ZZEF1: variants seen among roughly 807,000 people sequenced by gnomAD.
The protein encoded by ZZEF1 is zinc finger ZZ-type and EF-hand domain-containing protein 1.
In ZZEF1, 157 loss-of-function variants were observed where a neutral mutation model predicts 342.8. The observed-to-expected ratio is 0.46, with a 90% CI of 0.40 to 0.52. The LOEUF is 0.52. ZZEF1 is among the 20% of genes least tolerant of loss of function. The probability of loss-of-function intolerance (pLI) is 0.00; values close to 1 mark genes in which losing one functional copy is unlikely to be tolerated. For synonymous variants in ZZEF1, 1,505 were observed against 1,429.1 expected, an observed-to-expected ratio of 1.05 and a Z score of -1.20; for missense variants, 3,480 against 3,725.6, an observed-to-expected ratio of 0.93 and a Z score of 1.72.
intron 9 of ZZEF1, among the ~76,000 whole-genome samples, chr17:4,097,282 G>GA (rs2058053137): frequency 1.3e-5 from 2 of 151,202 alleles, no homozygotes; most frequent in African/African-American, 4.8e-5. Context: ...AAAAGAAAAA[G>GA]AAAAGAAATG....
intron 3 of ZZEF1, among the ~76,000 whole-genome samples, chr17:4,115,012 C>A (rs576550421): frequency 1.1e-4 from 17 of 152,062 alleles, no homozygotes; most frequent in Middle Eastern, 3.4e-3. Context: ...TTTACTATAA[C>A]CCACGTGCTT....
intron 15 of ZZEF1, 137 bp downstream of exon 15, chr17:4,086,337 CCCACAGCGGCAA>C: frequency 1.9e-6 from 1 of 535,232 alleles, no homozygotes; most frequent in South Asian, 2.5e-5. Flanking sequence ...CTGGGGGATT[CCCACAGCGGCAA>C]TCCCTTTCTG....
At chr17:4,113,300 T>C (rs2058343487) in intron 4 of ZZEF1, among the ~76,000 whole-genome samples, 2 of 152,218 alleles carry the variant, frequency 1.3e-5, no homozygotes, top group African/African-American at 4.8e-5. Flanking sequence ...GAAATACCAC[T>C]GTTTATTATC....
At chr17:4,048,402 T>C (rs1349461746) in intron 37 of ZZEF1, among the ~76,000 whole-genome samples, 2 of 152,282 alleles carry the variant, frequency 1.3e-5, no homozygotes, top group Non-Finnish European at 1.5e-5. Context: ...GATGGGGGAA[T>C]CCTTGAACTA....
chr17:4,042,973 C>T (rs2056834282), intron 38 of ZZEF1, among the ~76,000 whole-genome samples: 1 of 152,184 alleles, frequency 6.6e-6, no homozygotes, highest in Non-Finnish European at 1.5e-5. Context: ...TGAGCCACTG[C>T]TCCCGGCCTA....
intron 2 of ZZEF1, among the ~76,000 whole-genome samples, chr17:4,122,789 A>G (rs190503675): frequency 1.4e-3 from 211 of 152,354 alleles, no homozygotes; most frequent in Admixed American, 2.7e-3. Flanking sequence ...AAAGACGCCA[A>G]AATAGGTGAG....
chr17:4,014,229 A>C lies in ZZEF1; in HGVS notation c.8315-41T>G. Reference sequence around the variant, plus strand: ...TCAGAGGCCCATCAGGAACTGAAGCAACAGGGAATGGCAGCAGTGGTGTTG... The same window carrying C: ...TCAGAGGCCCATCAGGAACTGAAGCCACAGGGAATGGCAGCAGTGGTGTTG... On this transcript the variant is annotated intron_variant, in intron 50 of 54. Coordinates refer to ENST00000381638, the MANE Select transcript of ZZEF1 (RefSeq NM_015113.4). This position sits in a 1 kb window ranked among gnomAD's most constrained non-coding sequence, Gnocchi z 4.4. 1 of 1,612,332 alleles carries C rather than the reference A, an allele frequency of 6.2e-7. No individual in the cohort carries two copies. Among genetic ancestry groups the C allele is most frequent in the East Asian group, 2.2e-5 (1 of 44,878 alleles).
intron 52 of ZZEF1, among the ~76,000 whole-genome samples, chr17:4,012,108 C>T (rs1343242103): frequency 2.6e-5 from 4 of 152,218 alleles, no homozygotes; most frequent in Non-Finnish European, 5.9e-5. Context: ...CGGCACAGGT[C>T]TTCTTTCCTG....
intron 37 of ZZEF1, 93 bp from the exon 38 acceptor site, chr17:4,044,467 T>A: frequency 1.6e-6 from 2 of 1,238,066 alleles, no homozygotes; most frequent in Non-Finnish European, 2.2e-6. Context: ...CCAGTCTTCA[T>A]AGACTAAAAA....
intron 8 of ZZEF1, among the ~76,000 whole-genome samples, chr17:4,103,141 G>A (rs574323346): frequency 2.4e-4 from 36 of 152,102 alleles, no homozygotes; most frequent in Non-Finnish European, 4.6e-4. Context: ...GTTGACCAGT[G>A]CAACCCCCAA....
At chr17:4,010,542 A>C (rs1471088756) in intron 52 of ZZEF1, among the ~76,000 whole-genome samples, 1 of 151,734 alleles carries the variant, frequency 6.6e-6, no homozygotes, top group Non-Finnish European at 1.5e-5. Context: ...TGGCCAACAC[A>C]GTGAAACCCC....
Position 4,065,179 on chromosome 17 carries a change from G to A in ZZEF1, c.4250-350C>T, listed in dbSNP as rs537646471. On this transcript the variant is annotated intron_variant, in intron 28 of 54. Coordinates refer to ENST00000381638, the MANE Select transcript of ZZEF1 (RefSeq NM_015113.4). ...AGCACTTTGGGAGGCCAAGGCAGGA[G>A]GATCACTTGGGGTGATACCTCAGCT... Among the ~76,000 whole-genome samples the A allele has an allele frequency of 2.0e-3, 309 of 152,230 alleles. 1 individual carries two copies. The highest frequency in any genetic ancestry group is 7.0e-3 in the African/African-American group (292 of 41,538).
intron 37 of ZZEF1, among the ~76,000 whole-genome samples, chr17:4,048,873 A>ATTTTTTTTTTTTTTTTTT (rs71144157): frequency 9.0e-5 from 12 of 133,750 alleles, no homozygotes; most frequent in Non-Finnish European, 1.4e-4. Context: ...AGCCTGGATA[A>ATTTTTTTTTTTTTTTTTT]TTTTTTTTTT....
At chr17:4,012,098 C>T (rs866377209) in intron 52 of ZZEF1, among the ~76,000 whole-genome samples, 14 of 152,210 alleles carry the variant, frequency 9.2e-5, no homozygotes, top group African/African-American at 1.7e-4. Flanking sequence ...GTGCAGGCTG[C>T]GGCACAGGTC....
intron 8 of ZZEF1, 75 bp from the exon 9 acceptor site, chr17:4,102,490 AAT>A: frequency 2.3e-6 from 3 of 1,299,932 alleles, no homozygotes; most frequent in Non-Finnish European, 3.3e-6. Flanking sequence ...TATCTGTGGA[AAT>A]AGAGTCCTGT....
intron 52 of ZZEF1, among the ~76,000 whole-genome samples, chr17:4,012,022 C>T (rs534526179): frequency 1.8e-4 from 27 of 152,334 alleles, no homozygotes; most frequent in East Asian, 1.4e-3. Flanking sequence ...GAGTTCCCTC[C>T]GGGCTCGGGA....
Position 4,034,163 on chromosome 17 carries a change from G to A in ZZEF1, c.6436C>T (p.Arg2146Cys), listed in dbSNP as rs1307507386. The change falls in exon 40 of 55, where the codon CGT (arginine) becomes TGT (cysteine). Residue 2146 changes from arginine (R) to cysteine (C), a missense_variant. Arg to Cys is a radical substitution (Grantham distance 180). Coordinates refer to ENST00000381638, the MANE Select transcript of ZZEF1 (RefSeq NM_015113.4). The part of the protein sequence containing the change: ...TLGLLGQLII[R>C]LLPAEVDAAV... ...GCGTCTACCTCTGCTGGCAAAAGAC[G>A]GATAATTAACTGGCCGAGAAGACCC... 14 of 1,614,022 alleles carry A rather than the reference G, an allele frequency of 8.7e-6. No homozygotes were observed. Among genetic ancestry groups the A allele is most frequent in the East Asian group, 4.5e-5 (2 of 44,896 alleles).
chr17:4,067,234 C>T lies in ZZEF1; in HGVS notation c.4084G>A (p.Gly1362Arg). ...TCTTCACTCAGGGCTATTTTGCCCC[C>T]ACTGTTGACTGGGGAGAGAAGCAGA... The part of the protein sequence containing the change: ...YEKLQKYVNS[G>R]GKIALSEEFA... Residue 1362 changes from glycine to arginine, a missense_variant, in exon 27 of 55, where the codon GGG becomes AGG. This residue lies in a region of ZZEF1 where 1,528 missense variants were observed against 1,624.1 expected (regional missense o/e 0.94). Coordinates refer to ENST00000381638, the MANE Select transcript of ZZEF1 (RefSeq NM_015113.4). The T allele has an allele frequency of 6.2e-7, 1 of 1,612,876 alleles. No individual in the cohort carries two copies.
At chr17:4,057,788 A>G (rs1168070133) in intron 32 of ZZEF1, among the ~76,000 whole-genome samples, 1 of 152,174 alleles carries the variant, frequency 6.6e-6, no homozygotes, top group East Asian at 1.9e-4. Context: ...AGGCAGCACC[A>G]TTGTTATCTC....
Sources: gnomAD v4.1 joint callset for allele counts (sites outside exome capture counted in the v4.1 genomes callset) on GRCh38, gnomAD v4.1.1 for gene constraint, gnomAD v4.1.1 regional missense constraint, Gnocchi (gnomAD v3.1) non-coding constraint, MANE v1.5 for transcripts, NCBI Gene and HGNC (gene_info 2026-07-23, HGNC 2026-07-21) for gene names.